Variants in GMDS observed in about 807,000 individuals in gnomAD.
The protein encoded by GMDS is GDP-mannose 4,6-dehydratase.
A neutral mutation model predicts 49.9 loss-of-function variants in GMDS; 20 were observed. The observed-to-expected ratio is 0.40, with a 90% CI of 0.28 to 0.58. GMDS has a LOEUF of 0.58. Ranked by LOEUF, GMDS falls within the 20% of genes least tolerant of loss-of-function variation. GMDS has a pLI of 0.42. For missense variants in GMDS, 362 were observed against 481.4 expected, an observed-to-expected ratio of 0.75 and a Z score of 2.32; for synonymous variants, 177 against 178.6, an observed-to-expected ratio of 0.99 and a Z score of 0.07.
chr6:1,876,637 C>T (rs1276792006), intron 7 of GMDS, among the ~76,000 whole-genome samples: 1 of 152,140 alleles, frequency 6.6e-6, no homozygotes, highest in African/African-American at 2.4e-5. Flanking sequence ...CTAACTTGTG[C>T]TATTGTGACA....
chr6:2,215,919 A>T (rs1305209139), intron 1 of GMDS, among the ~76,000 whole-genome samples: 1 of 152,224 alleles, frequency 6.6e-6, no homozygotes, highest in African/African-American at 2.4e-5. Context: ...GATATATAAT[A>T]TAATAAATAC....
At chr6:1,761,161 A>G (rs1768139816) in intron 7 of GMDS, among the ~76,000 whole-genome samples, 1 of 152,218 alleles carries the variant, frequency 6.6e-6, no homozygotes, top group Non-Finnish European at 1.5e-5. Context: ...GATTCAGAAT[A>G]AAAATCAAGA....
At chr6:2,022,749 C>T (rs1366752074) in intron 4 of GMDS, among the ~76,000 whole-genome samples, 1 of 152,028 alleles carries the variant, frequency 6.6e-6, no homozygotes, top group Non-Finnish European at 1.5e-5. Flanking sequence ...AGAGCATTCC[C>T]AAAAGAGCAG....
At position 2,162,659 on chromosome 6, in the gene GMDS, AACACACACACACACACACACACAC is replaced by A. The variant is rs67198377; in HGVS notation, c.103-37952_103-37929del. Among the ~76,000 whole-genome samples the A allele has an allele frequency of 8.9e-3, 1,204 of 135,828 alleles. 16 individuals are homozygous for A. Among genetic ancestry groups the A allele is most frequent in the African/African-American group, 0.03 (1,136 of 37,974 alleles). The allele number at this position is 135,828 out of a possible 152,430, so 89.1% of individuals were successfully genotyped here. On this transcript the variant is annotated intron_variant, in intron 1 of 10. Coordinates refer to ENST00000380815, the MANE Select transcript of GMDS (RefSeq NM_001500.4). ...AAATATCAGGTTTTCATAACATTCC[AACACACACACACACACACACACAC>A]ACACACACACACACACACACACACA...
chr6:2,004,503 C>T lies in GMDS; in HGVS notation c.346-43537G>A, dbSNP rs12213464. Among the ~76,000 whole-genome samples, 1,427 of 152,302 alleles carry T rather than the reference C, an allele frequency of 9.4e-3. 8 individuals carry two copies. Among genetic ancestry groups the T allele is most frequent in the Non-Finnish European group, 0.016 (1,058 of 68,010 alleles). ...TAAAAACATTAAAGGTATTTCTCCT[C>T]TTAAGTCCTTCCAGATGATACCAGA... On this transcript the variant is annotated intron_variant, in intron 4 of 10. Coordinates refer to ENST00000380815, the MANE Select transcript of GMDS (RefSeq NM_001500.4).
At chr6:1,732,695 C>T (rs949642716) in intron 8 of GMDS, among the ~76,000 whole-genome samples, 3 of 152,118 alleles carry the variant, frequency 2.0e-5, no homozygotes, top group Non-Finnish European at 2.9e-5. Context: ...TTCTGTATGT[C>T]GGAAAGGGCC....
intron 7 of GMDS, among the ~76,000 whole-genome samples, chr6:1,911,206 G>C (rs1229936180): frequency 6.6e-6 from 1 of 152,190 alleles, no homozygotes; most frequent in African/African-American, 2.4e-5. Context: ...CAGAGCTGGG[G>C]AAACTGTCTC....
At chr6:2,129,286 A>G (rs1439881035) in intron 1 of GMDS, among the ~76,000 whole-genome samples, 1 of 152,104 alleles carries the variant, frequency 6.6e-6, no homozygotes, top group Non-Finnish European at 1.5e-5. Flanking sequence ...CCCCATCCCA[A>G]CACCTATGTA....
At chr6:1,905,690 A>G (rs10447473) in intron 7 of GMDS, among the ~76,000 whole-genome samples, 3,905 of 74,146 alleles carry the variant, frequency 0.053, 124 homozygotes, top group East Asian at 0.15. Flanking sequence ...CCTCAAAGGT[A>G]CCTGTGCATC....
intron 9 of GMDS, among the ~76,000 whole-genome samples, chr6:1,687,213 G>A (rs577776861): frequency 1.1e-4 from 17 of 152,228 alleles, no homozygotes; most frequent in Admixed American, 5.2e-4. Flanking sequence ...TAACAGAAAC[G>A]AAAGAGCTCC....
intron 7 of GMDS, among the ~76,000 whole-genome samples, chr6:1,855,011 A>G (rs1351435592): frequency 6.6e-6 from 1 of 152,250 alleles, no homozygotes; most frequent in East Asian, 1.9e-4. Flanking sequence ...AAAAAAAATA[A>G]AAGTTCCTCA....
intron 9 of GMDS, among the ~76,000 whole-genome samples, chr6:1,665,005 G>A (rs1314294102): frequency 6.6e-6 from 1 of 152,238 alleles, no homozygotes; most frequent in Non-Finnish European, 1.5e-5. Flanking sequence ...CTACCACAGA[G>A]TACGTGTATC....
chr6:1,960,204 C>A (rs1353954384), intron 5 of GMDS, among the ~76,000 whole-genome samples: 1 of 152,118 alleles, frequency 6.6e-6, no homozygotes, highest in Admixed American at 6.5e-5. Context: ...ATTTGACAAT[C>A]GAATTGATTG....
chr6:1,763,828 G>T (rs1174064976), intron 7 of GMDS, among the ~76,000 whole-genome samples: 1 of 152,212 alleles, frequency 6.6e-6, no homozygotes, highest in Non-Finnish European at 1.5e-5. Flanking sequence ...ACTAGTGAAA[G>T]TAGTGAACAT....
chr6:2,245,381 G>T lies in GMDS; in HGVS notation c.42C>A (p.Ser14=). 1 of 1,547,060 alleles carries T rather than the reference G, an allele frequency of 6.5e-7. No homozygotes were observed. The highest frequency in any genetic ancestry group is 2.4e-5 in the East Asian group (1 of 41,140). Residue 14 remains serine, a synonymous_variant, in exon 1 of 11, where the codon TCC becomes TCA. Coordinates refer to ENST00000380815, the MANE Select transcript of GMDS (RefSeq NM_001500.4). ...APARCPSARG[S]GDGEMGKPRN... The stretch of plus-strand genomic sequence containing the variant: ...TGGGCTTGCCCATCTCGCCGTCCCC[G>T]GAGCCCCGGGCGCTGGGGCAGCGTG...
At chr6:2,152,879 T>C (rs1470848671) in intron 1 of GMDS, among the ~76,000 whole-genome samples, 1 of 152,148 alleles carries the variant, frequency 6.6e-6, no homozygotes, top group East Asian at 1.9e-4. Flanking sequence ...AATCAAAATC[T>C]AGATACAGTC....
chr6:1,849,988 C>T (rs1176040322), intron 7 of GMDS, among the ~76,000 whole-genome samples: 1 of 152,184 alleles, frequency 6.6e-6, no homozygotes, highest in Non-Finnish European at 1.5e-5. Flanking sequence ...CACCTGAAGA[C>T]ATTCACTGCA....
intron 1 of GMDS, among the ~76,000 whole-genome samples, chr6:2,182,968 A>C (rs896556711): frequency 1.3e-5 from 2 of 152,158 alleles, no homozygotes; most frequent in African/African-American, 4.8e-5. Flanking sequence ...TCAGCCTCCC[A>C]AAGTGCTGGG....
rs68171156 is a variant in GMDS at position 2,243,843 on chromosome 6, C to CTTTTTT, written c.102+1472_102+1477dup. On this transcript the variant is annotated intron_variant, in intron 1 of 10. Coordinates refer to ENST00000380815, the MANE Select transcript of GMDS (RefSeq NM_001500.4). ...ATCTGGCCAATTTCAACTTCTCCTTCTTTTTTTTTTTTTTTTTTTTTTTTT... is the reference window on the plus strand; with the variant it reads ...ATCTGGCCAATTTCAACTTCTCCTTCTTTTTTTTTTTTTTTTTTTTTTTTTTTTTTT... 5.7e-3 allele frequency among the ~76,000 whole-genome samples: 332 copies of CTTTTTT among 58,140 alleles called. 34 individuals are homozygous for CTTTTTT. Among genetic ancestry groups the CTTTTTT allele is most frequent in the African/African-American group, 0.014 (238 of 16,642 alleles). 38.1% of individuals were successfully genotyped at this position (58,140 alleles called of 152,430 possible).
Sources: allele counts gnomAD v4.1 joint callset (sites outside exome capture counted in the v4.1 genomes callset), GRCh38; gene constraint gnomAD v4.1.1; transcripts MANE v1.5; gene names NCBI Gene and HGNC (gene_info 2026-07-23, HGNC 2026-07-21).